CDH11: variants seen among roughly 807,000 people sequenced by gnomAD.
CDH11 encodes the protein cadherin 11.
A neutral mutation model predicts 67.8 loss-of-function variants in CDH11; 11 were observed. That is an observed-to-expected ratio of 0.16 (90% CI 0.10 to 0.27). The LOEUF is 0.27. CDH11 is among the 10% of genes least tolerant of loss of function. The pLI is 1.00. For missense variants in CDH11, 847 were observed against 1,031.2 expected (o/e 0.82, Z 2.45); for synonymous variants, 419 against 400.0 (o/e 1.05, Z -0.57).
At chr16:65,077,560 G>A (rs1305607347) in intron 1 of CDH11, among the ~76,000 whole-genome samples, 1 of 152,186 alleles carries the variant, frequency 6.6e-6, no homozygotes, top group South Asian at 2.1e-4. Context: ...AACAAGTGCT[G>A]CATCACATCT....
At chr16:65,098,593 T>C (rs115979812) in intron 1 of CDH11, among the ~76,000 whole-genome samples, 9,773 of 152,060 alleles carry the variant, frequency 0.064, 519 homozygotes, top group African/African-American at 0.15. Flanking sequence ...CTCAAACTCC[T>C]GGGCTCAAGC....
chr16:64,983,694 C>T (rs1255186239), intron 7 of CDH11, among the ~76,000 whole-genome samples: 1 of 152,150 alleles, frequency 6.6e-6, no homozygotes, highest in South Asian at 2.1e-4. Flanking sequence ...AATCTGCCCC[C>T]AGCCTTTCCA....
intron 1 of CDH11, among the ~76,000 whole-genome samples, chr16:65,104,459 G>A (rs1297617974): frequency 6.6e-6 from 1 of 152,126 alleles, no homozygotes; most frequent in African/African-American, 2.4e-5. Flanking sequence ...CAAGGTGATA[G>A]CTAGCATTTA....
chr16:65,088,073 T>A (rs572079256), intron 1 of CDH11, among the ~76,000 whole-genome samples: 25 of 152,228 alleles, frequency 1.6e-4, no homozygotes, highest in Non-Finnish European at 3.4e-4. Context: ...TTTAGGGAAG[T>A]GGTTAAGTCA....
chr16:65,042,524 G>A (rs994544852), intron 2 of CDH11, among the ~76,000 whole-genome samples: 5 of 152,184 alleles, frequency 3.3e-5, no homozygotes, highest in African/African-American at 1.2e-4. Context: ...ATTGTCAAAT[G>A]CAGCTGAGCA....
intron 1 of CDH11, among the ~76,000 whole-genome samples, chr16:65,120,866 C>T (rs2075314465): frequency 6.6e-6 from 1 of 152,206 alleles, no homozygotes; most frequent in African/African-American, 2.4e-5. Flanking sequence ...GGGGACTCCG[C>T]TTCACAGCGT....
chr16:65,079,128 T>G (rs1231667218), intron 1 of CDH11, among the ~76,000 whole-genome samples: 1 of 152,232 alleles, frequency 6.6e-6, no homozygotes, highest in Non-Finnish European at 1.5e-5. Context: ...ATGAACCAGG[T>G]GTGAGGGACA....
intron 1 of CDH11, among the ~76,000 whole-genome samples, chr16:65,120,618 C>A (rs1455058699): frequency 2.0e-5 from 3 of 152,164 alleles, no homozygotes; most frequent in Admixed American, 6.5e-5. Context: ...TAGGGATAAC[C>A]CGTCGTCAGG....
At chr16:65,063,063 C>T (rs1000986656) in intron 1 of CDH11, among the ~76,000 whole-genome samples, 1 of 152,180 alleles carries the variant, frequency 6.6e-6, no homozygotes, top group African/African-American at 2.4e-5. Context: ...GAAGAACATT[C>T]TTCACTGCTA....
chr16:64,948,091 C>A lies in CDH11; in HGVS notation c.1903G>T (p.Val635Leu). Residue 635 changes from valine to leucine, a missense_variant, in exon 13 of 13, where the codon GTA becomes TTA. Val to Leu is a conservative substitution (Grantham distance 32). Around this residue, in one of 2 missense-constraint regions of CDH11, gnomAD observed 612 missense variants for 678.7 expected, o/e 0.90. Transcript: ENST00000268603. ...TGCCTTCTCAGGGTCACAAACAATACTACAATGACTGGAGGGAAAGAAAAA... is the reference window on the plus strand; with the variant it reads ...TGCCTTCTCAGGGTCACAAACAATAATACAATGACTGGAGGGAAAGAAAAA... ...ACIVILLVIV[V>L]LFVTLRRQKK... is the part of the protein sequence containing the mutation. The A allele has an allele frequency of 6.2e-7, 1 of 1,610,744 alleles. No homozygotes were observed. The highest frequency in any genetic ancestry group is 1.1e-5 in the South Asian group (1 of 90,972).
At chr16:65,068,145 G>A (rs1490166923) in intron 1 of CDH11, among the ~76,000 whole-genome samples, 4 of 147,442 alleles carry the variant, frequency 2.7e-5, no homozygotes, top group African/African-American at 5.0e-5. Context: ...AGGGAGAGAG[G>A]GAGAGACAAA....
chr16:65,013,850 GA>G lies in CDH11; in HGVS notation c.-172-8810del. Among the ~76,000 whole-genome samples, 3 of 151,840 alleles carry G rather than the reference GA, an allele frequency of 2.0e-5. 1 individual carries two copies. In the Middle Eastern group the frequency reaches 0.01, roughly 516 times the overall value. Reference sequence around the variant, plus strand: ...TCAAAAAAAAAAAGAAAGAAAAAGGGAAAAACCCTAGGACCAGTCTCAAAGG... The same window carrying G: ...TCAAAAAAAAAAAGAAAGAAAAAGGGAAAACCCTAGGACCAGTCTCAAAGG... On this transcript the variant is annotated intron_variant, in intron 2 of 12. Transcript: ENST00000268603.
At chr16:65,113,287 G>C (rs116897014) in intron 1 of CDH11, among the ~76,000 whole-genome samples, 1 of 129,034 alleles carries the variant, frequency 7.7e-6, no homozygotes, top group Admixed American at 7.8e-5. Context: ...TTCCATCTCA[G>C]AAAAAAAAAA....
chr16:65,085,937 C>T (rs937740910), intron 1 of CDH11, among the ~76,000 whole-genome samples: 1 of 152,224 alleles, frequency 6.6e-6, no homozygotes, highest in Admixed American at 6.5e-5. Flanking sequence ...AAAAGCTTCA[C>T]AGCTGGTAAA....
rs1450747348 is a variant in CDH11 at position 64,945,234 on chromosome 16, G to A, written c.*2369C>T. On this transcript the variant is annotated 3_prime_UTR_variant, in exon 13 of 13. Coordinates refer to ENST00000268603, the MANE Select transcript of CDH11 (RefSeq NM_001797.4). ...AAAAAGGACTCCACTAGTTGGGAAA[G>A]ACATTTTATTTCCAAGTTTCTAAGA... is the stretch of plus-strand genomic sequence containing the variant. The A allele has an allele frequency of 8.2e-6, 2 of 244,032 alleles. No homozygotes were observed. Among genetic ancestry groups the A allele is most frequent in the African/African-American group, 2.4e-5 (1 of 41,996 alleles). The allele number at this position is 244,032 out of a possible 1,614,324, so 15.1% of individuals were successfully genotyped here. A position where few individuals can be genotyped will look rare whatever the true frequency, so the allele number is the denominator to read the frequency against.
chr16:65,002,187 AG>A (rs2072936626), intron 3 of CDH11, among the ~76,000 whole-genome samples: 1 of 152,288 alleles, frequency 6.6e-6, no homozygotes, highest in East Asian at 1.9e-4. Context: ...TAGCTTTTGA[AG>A]GTCACACACC....
chr16:64,991,213 T>C (rs531301345), intron 6 of CDH11: 1 of 152,398 alleles, frequency 6.6e-6, no homozygotes, highest in African/African-American at 2.4e-5. Flanking sequence ...TTGCCAGCCA[T>C]GCAAGTAAGC....
In CDH11 at chr16:64,944,791, C is replaced by T. The variant is rs35150; in HGVS notation, c.*2812G>A. 0.23 allele frequency: 52,397 copies of T among 230,050 alleles called. 6,561 individuals are homozygous for T. The highest frequency in any genetic ancestry group is 0.28 in the Non-Finnish European group (32,830 of 116,058). The allele number at this position is 230,050 out of a possible 1,614,324, so 14.3% of individuals were successfully genotyped here. ...CCACAGCTGGCCTAATTTCCGCTCACACTCTATATCTCACCATCTCCTTCC... is the reference window on the plus strand; with the variant it reads ...CCACAGCTGGCCTAATTTCCGCTCATACTCTATATCTCACCATCTCCTTCC... On this transcript the variant is annotated 3_prime_UTR_variant, in exon 13 of 13. Coordinates refer to ENST00000268603, the MANE Select transcript of CDH11 (RefSeq NM_001797.4).
chr16:65,000,484 T>C (rs537072145), intron 3 of CDH11, among the ~76,000 whole-genome samples: 7 of 152,296 alleles, frequency 4.6e-5, no homozygotes, highest in Non-Finnish European at 1.0e-4. Flanking sequence ...TAGAGAGCTT[T>C]ATTCAAATGA....
Sources: allele counts gnomAD v4.1 joint callset (sites outside exome capture counted in the v4.1 genomes callset), GRCh38; gene constraint gnomAD v4.1.1; regional missense constraint gnomAD v4.1.1; transcripts MANE v1.5; gene names NCBI Gene and HGNC (gene_info 2026-07-23, HGNC 2026-07-21).